The following SYNE1 variants were observed in gnomAD, a reference collection of about 807,000 sequenced individuals.
SYNE1 encodes nesprin-1.
Under a neutral mutation model 1,111.0 loss-of-function variants are expected in SYNE1, and 616 were observed. That is an observed-to-expected ratio of 0.55 (90% CI 0.52 to 0.59). The LOEUF (loss-of-function observed/expected upper bound fraction) is 0.59, where lower values mean the gene tolerates loss of function less well. SYNE1 is among the 20% of genes least tolerant of loss of function. SYNE1 has a pLI of 0.00. For missense variants in SYNE1, 10,006 were observed against 10,417.0 expected, an observed-to-expected ratio of 0.96 and a Z score of 1.72; for synonymous variants, 3,855 against 3,825.8, an observed-to-expected ratio of 1.01 and a Z score of -0.28.
At chr6:152,142,843 T>G (rs1250450666) in intron 138 of SYNE1, among the ~76,000 whole-genome samples, 6 of 152,244 alleles carry the variant, frequency 3.9e-5, no homozygotes, top group Admixed American at 2.0e-4. Flanking sequence ...TTTCCTAATT[T>G]CAAAGAGTAG....
At chr6:152,242,507 A>G in intron 106 of SYNE1, 67 bp from the exon 107 acceptor site, 1 of 1,578,988 alleles carries the variant, frequency 6.3e-7, no homozygotes, top group Non-Finnish European at 8.7e-7. Context: ...AAGCATATGA[A>G]CTATGAACGC....
intron 42 of SYNE1, among the ~76,000 whole-genome samples, chr6:152,410,682 G>C (rs2098017631): frequency 6.6e-6 from 1 of 152,168 alleles, no homozygotes; most frequent in African/African-American, 2.4e-5. Flanking sequence ...AGTGAGCCAA[G>C]ATCACACCAC....
chr6:152,549,225 G>A (rs2099328749), intron 3 of SYNE1, among the ~76,000 whole-genome samples: 1 of 152,154 alleles, frequency 6.6e-6, no homozygotes, highest in Admixed American at 6.5e-5. Flanking sequence ...TTCCTTGTAG[G>A]AAGAAAGCAT....
At chr6:152,277,842 G>T in intron 98 of SYNE1, 1 of 553,970 alleles carries the variant, frequency 1.8e-6, no homozygotes, top group Non-Finnish European at 3.3e-6. Flanking sequence ...TTTCATGTCA[G>T]AGTGCTTTTT....
intron 135 of SYNE1, among the ~76,000 whole-genome samples, chr6:152,150,863 G>A (rs2060282253): frequency 6.6e-6 from 1 of 152,216 alleles, no homozygotes; most frequent in African/African-American, 2.4e-5. Flanking sequence ...GCAACATGGA[G>A]GTTAAAGGAA....
In SYNE1 at chr6:152,281,980, C is replaced by T. The variant is rs886043015; in HGVS notation, c.18208G>A (p.Glu6070Lys). ...KASGKRQLLE[E>K]KLNDQLEEQR... The stretch of plus-strand genomic sequence containing the variant: ...TCCTCCAGCTGATCATTCAACTTCT[C>T]CTGTTGAATTCAGTAGAAGGTAATA... The change falls in exon 97 of 146, where the codon GAG becomes AAG. Residue 6070 changes from glutamate to lysine, a missense_variant and splice_region_variant. Coordinates refer to ENST00000367255, the MANE Select transcript of SYNE1 (RefSeq NM_182961.4). 2.5e-6 allele frequency: 4 copies of T among 1,613,440 alleles called. No individual in the cohort carries two copies. The highest frequency in any genetic ancestry group is 1.3e-5 in the African/African-American group (1 of 75,040).
intron 39 of SYNE1, among the ~76,000 whole-genome samples, chr6:152,421,578 T>G (rs1353053894): frequency 6.6e-6 from 1 of 152,118 alleles, no homozygotes; most frequent in East Asian, 1.9e-4. Flanking sequence ...TGAGTTTTTA[T>G]TATGTTCCCA....
chr6:152,125,297 C>T (rs1181938125), intron 145 of SYNE1: 1 of 1,550,376 alleles, frequency 6.5e-7, no homozygotes, highest in Non-Finnish European at 8.7e-7. Flanking sequence ...AGAAGAGAAT[C>T]CTGAACTTGC....
At chr6:152,218,206 T>A in intron 121 of SYNE1, 51 bp downstream of exon 121, 1 of 1,610,976 alleles carries the variant, frequency 6.2e-7, no homozygotes, top group Non-Finnish European at 8.5e-7. Flanking sequence ...AAAAAAAGAT[T>A]TTTGAAGACA....
intron 11 of SYNE1, among the ~76,000 whole-genome samples, chr6:152,491,643 T>C (rs1332810718): frequency 6.6e-6 from 1 of 152,122 alleles, no homozygotes; most frequent in Non-Finnish European, 1.5e-5. Context: ...ACCTGGATGA[T>C]TTTTCTTGAA....
chr6:152,376,221 C>G (rs2097278961), intron 58 of SYNE1, 160 bp downstream of exon 58: 2 of 677,550 alleles, frequency 3.0e-6, no homozygotes, highest in East Asian at 5.5e-5. Flanking sequence ...CAGGCAGTAA[C>G]GCTCATTGGC....
At position 152,282,211 on chromosome 6, in the gene SYNE1, G is replaced by C. The variant is rs539125887; in HGVS notation, c.18208-231C>G. On this transcript the variant is annotated intron_variant, in intron 96 of 145. Transcript: ENST00000367255. The stretch of plus-strand genomic sequence containing the variant: ...CCCTAGTGATTTTAATGTGTACCTA[G>C]AGTTGAACAAGGTATTCTCAAATAA... 1.4e-4 allele frequency among the ~76,000 whole-genome samples: 21 copies of C among 152,270 alleles called. No individual in the cohort carries two copies. In the South Asian group the frequency reaches 2.1e-3, roughly 15 times the overall value.
In SYNE1 at chr6:152,262,117, C is replaced by G; in HGVS notation, c.18887G>C (p.Arg6296Thr). The G allele has an allele frequency of 1.2e-6, 2 of 1,613,892 alleles. No individual in the cohort carries two copies. The highest frequency in any genetic ancestry group is 1.7e-6 in the Non-Finnish European group (2 of 1,179,902). The change falls in exon 101 of 146, where the codon AGA becomes ACA. Residue 6296 changes from arginine (R) to threonine (T), a missense_variant. Around this residue, in one of 7 missense-constraint regions of SYNE1, gnomAD observed 2,182 missense variants for 2,287.8 expected, o/e 0.95. Coordinates refer to ENST00000367255, the MANE Select transcript of SYNE1 (RefSeq NM_182961.4). Reference protein sequence around the residue: ...GEKSSAEDQMRMKWESLHQEF... With the variant: ...GEKSSAEDQMTMKWESLHQEF... ...TTGATGTAGGCTTTCCCATTTCATT[C>G]TCATCTGGTCTTCAGCGGATGATTT...
In SYNE1 at chr6:152,350,840, A is replaced by G. The variant is rs1387549; in HGVS notation, c.11581-70T>C. On this transcript the variant is annotated intron_variant, in intron 70 of 145. Transcript: ENST00000367255. Reference sequence around the variant, plus strand: ...ACAAGATGAATACATACATATTCCCATGGTATGCAAGAGATGATCTACCTC... The same window carrying G: ...ACAAGATGAATACATACATATTCCCGTGGTATGCAAGAGATGATCTACCTC... 944,796 of 1,572,570 alleles carry G rather than the reference A, an allele frequency of 0.6. 284,965 individuals carry two copies. The highest frequency in any genetic ancestry group is 0.64 in the East Asian group (28,452 of 44,606).
At chr6:152,266,261 GA>G (rs1442034724) in intron 100 of SYNE1, among the ~76,000 whole-genome samples, 1 of 152,038 alleles carries the variant, frequency 6.6e-6, no homozygotes, top group Non-Finnish European at 1.5e-5. Flanking sequence ...GCCAAGGAAA[GA>G]AAAAAATATA....
At chr6:152,185,330 T>A (rs1283131572) in intron 128 of SYNE1, 1 of 152,358 alleles carries the variant, frequency 6.6e-6, no homozygotes, top group African/African-American at 2.4e-5. Flanking sequence ...CCTCATCAAC[T>A]GCTTTGGTCA....
At chr6:152,206,034 A>G in intron 126 of SYNE1, 134 bp downstream of exon 126, 1 of 995,950 alleles carries the variant, frequency 1.0e-6, no homozygotes, top group Non-Finnish European at 1.5e-6. Flanking sequence ...TCTTAAATAA[A>G]ACACAGAGAA....
intron 139 of SYNE1, 130 bp from the exon 140 acceptor site, chr6:152,140,291 C>T (rs1658907758): frequency 9.3e-6 from 8 of 863,464 alleles, no homozygotes; most frequent in South Asian, 4.3e-5. Context: ...TGGGCATTTT[C>T]GTTGTTGTCA....
chr6:152,337,646 C>T (rs747304097), intron 75 of SYNE1, among the ~76,000 whole-genome samples: 13 of 152,126 alleles, frequency 8.5e-5, no homozygotes, highest in Non-Finnish European at 1.9e-4. Context: ...TGGTTTTTCC[C>T]ATTGGGCATT....
Sources: gnomAD v4.1 joint callset for allele counts (sites outside exome capture counted in the v4.1 genomes callset) on GRCh38, gnomAD v4.1.1 for gene constraint, gnomAD v4.1.1 regional missense constraint, MANE v1.5 for transcripts, NCBI Gene and HGNC (gene_info 2026-07-23, HGNC 2026-07-21) for gene names.